Variants in GREB1 observed in about 807,000 individuals in gnomAD.
GREB1 encodes the protein growth regulating estrogen receptor binding 1, also known as protein GREB1.
GREB1 carries 106 observed loss-of-function variants against 200.7 expected under a neutral mutation model. The ratio of observed to expected loss-of-function variants is 0.53; its 90% CI spans 0.45 to 0.62. GREB1 has a LOEUF of 0.62. Among genes scored for constraint, GREB1 ranks in the 20% least tolerant of loss-of-function variants. GREB1 has a pLI of 0.00. For synonymous variants in GREB1, 1,132 were observed against 1,092.4 expected (o/e 1.04, Z -0.72); for missense variants, 2,243 against 2,556.8 (o/e 0.88, Z 2.65).
chr2:11,529,135 A>G (rs977713132), upstream of GREB1, among the ~76,000 whole-genome samples: 18 of 152,228 alleles, frequency 1.2e-4, no homozygotes, highest in African/African-American at 4.3e-4. Context: ...AAACCTGTAA[A>G]GATGGAAGAG....
chr2:11,610,671 CTCTG>C lies in GREB1; in HGVS notation c.2667-15_2667-12del. ...GGCGCGGCCGTCACAGACATGGTCT[CTCTG>C]TGTTCCTTGCAGGTTCCCCCGCCTG... On this transcript the variant is annotated splice_polypyrimidine_tract_variant and intron_variant, in intron 17 of 32. Transcript: ENST00000381486. 6.3e-7 allele frequency: 1 copy of C among 1,582,952 alleles called. No individual in the cohort carries two copies. The highest frequency in any genetic ancestry group is 8.6e-7 in the Non-Finnish European group (1 of 1,157,030).
intron 1 of GREB1, among the ~76,000 whole-genome samples, chr2:11,525,161 C>T (rs1673829438): frequency 6.6e-6 from 1 of 152,138 alleles, no homozygotes; most frequent in Non-Finnish European, 1.5e-5. Flanking sequence ...CTTCTCTGAA[C>T]TCATACTGAT....
In GREB1 at chr2:11,618,200, G is replaced by GGGACAGGTCACTCCTGAGATGGGCC. The variant is rs1683633604; in HGVS notation, c.3413-88_3413-87insGGACAGGTCACTCCTGAGATGGGCC. 1.4e-4 allele frequency: 120 copies of GGGACAGGTCACTCCTGAGATGGGCC among 877,842 alleles called. No homozygotes were observed. The East Asian group carries it at 5.3e-3, about 39-fold the overall frequency. 54.4% of individuals were successfully genotyped at this position (877,842 alleles called of 1,614,324 possible). The stretch of plus-strand genomic sequence containing the variant: ...GGGACAGGTCACTCCTGGGATGGGT[G>GGGACAGGTCACTCCTGAGATGGGCC]ACTCCTGGGACAGGTCACTCCTGGG... On this transcript the variant is annotated intron_variant, in intron 21 of 32. Transcript: ENST00000381486.
At chr2:11,511,817 A>C (rs1387360472) in intron 1 of GREB1, among the ~76,000 whole-genome samples, 1 of 152,166 alleles carries the variant, frequency 6.6e-6, no homozygotes, top group South Asian at 2.1e-4. Flanking sequence ...TGGGGAGAAC[A>C]GGGGTCCTGC....
chr2:11,602,678 C>A (rs1286415490), intron 17 of GREB1, 136 bp downstream of exon 17: 63 of 713,968 alleles, frequency 8.8e-5, no homozygotes, highest in Non-Finnish European at 1.4e-4. Context: ...ACTAAATGTA[C>A]CCTGGTTTTT....
intron 1 of GREB1, among the ~76,000 whole-genome samples, chr2:11,510,825 A>G (rs114475396): frequency 0.038 from 5,779 of 151,758 alleles, 342 homozygotes; most frequent in African/African-American, 0.12. Flanking sequence ...GGTGCCTGTC[A>G]TCACACCCGG....
At position 11,565,559 on chromosome 2, in the gene GREB1, TG is replaced by T. The variant is rs1434769181; in HGVS notation, c.278-919del. On this transcript the variant is annotated intron_variant, in intron 3 of 32. Coordinates refer to ENST00000381486, the MANE Select transcript of GREB1 (RefSeq NM_014668.4). ...TGTGCCCTTACCTGGGACAAGACCCTGGAAAAGCCTTATCCAAATTAGTCTC... is the reference window on the plus strand; with the variant it reads ...TGTGCCCTTACCTGGGACAAGACCCTGAAAAGCCTTATCCAAATTAGTCTC... Among the ~76,000 whole-genome samples, 44 of 152,350 alleles carry T rather than the reference TG, an allele frequency of 2.9e-4. 1 individual carries two copies. The East Asian group carries it at 8.1e-3, about 28-fold the overall frequency.
chr2:11,496,215 G>A (rs1004232740), intron 1 of GREB1, among the ~76,000 whole-genome samples: 6 of 152,088 alleles, frequency 3.9e-5, no homozygotes, highest in Admixed American at 3.3e-4. Flanking sequence ...GCCACTGTGC[G>A]CTGATCCCAG....
chr2:11,589,614 T>G (rs1680526535), intron 10 of GREB1, among the ~76,000 whole-genome samples: 1 of 152,258 alleles, frequency 6.6e-6, no homozygotes, highest in Non-Finnish European at 1.5e-5. Context: ...GGAGGTGATC[T>G]GATTTTCACT....
intron 1 of GREB1, among the ~76,000 whole-genome samples, chr2:11,525,114 T>C (rs1483113343): frequency 6.6e-6 from 1 of 152,164 alleles, no homozygotes; most frequent in East Asian, 1.9e-4. Context: ...TTGGCTGTGT[T>C]ACATGCAGCC....
intron 1 of GREB1, among the ~76,000 whole-genome samples, chr2:11,509,166 G>A (rs963089748): frequency 2.0e-5 from 3 of 151,940 alleles, no homozygotes; most frequent in Non-Finnish European, 2.9e-5. Context: ...GAGCCACCGC[G>A]CCCGGCCCCA....
chr2:11,594,790 T>G (rs1681056651), intron 11 of GREB1, among the ~76,000 whole-genome samples: 1 of 152,156 alleles, frequency 6.6e-6, no homozygotes, highest in African/African-American at 2.4e-5. Flanking sequence ...CCTCCTGGGT[T>G]CACACCATTC....
At chr2:11,577,228 T>C (rs1353808889) in intron 5 of GREB1, among the ~76,000 whole-genome samples, 1 of 152,160 alleles carries the variant, frequency 6.6e-6, no homozygotes, top group African/African-American at 2.4e-5. Flanking sequence ...ACAAGTTTGA[T>C]TGTCATGACT....
At chr2:11,528,353 A>T (rs1673955390) in intron 1 of GREB1, among the ~76,000 whole-genome samples, 1 of 152,260 alleles carries the variant, frequency 6.6e-6, no homozygotes, top group South Asian at 2.1e-4. Context: ...ACCCTCGTTG[A>T]AAGTAGCAGA....
Position 11,635,347 on chromosome 2 carries a change from G to C in GREB1, c.5288G>C (p.Ser1763Thr), listed in dbSNP as rs1246202755. The C allele has an allele frequency of 6.2e-7, 1 of 1,614,122 alleles. No individual in the cohort carries two copies. ...GLLLCRFNRF[S>T]VMKKQIVVGG... is the part of the protein sequence containing the mutation. ...CTGCTCTGCCGGTTCAACCGCTTCA[G>C]CGTGATGAAGAAGCAGATCGTGGTG... The change falls in exon 30 of 33, where the codon AGC becomes ACC. Residue 1763 changes from serine (S) to threonine (T), a missense_variant. Physicochemically the swap from Ser to Thr is moderately conservative, Grantham distance 58. Transcript: ENST00000381486.
intron 22 of GREB1, among the ~76,000 whole-genome samples, chr2:11,619,123 C>T (rs1259044813): frequency 6.6e-6 from 1 of 152,196 alleles, no homozygotes; most frequent in African/African-American, 2.4e-5. Flanking sequence ...TTCCATTCCT[C>T]CCCTGTGTGA....
intron 1 of GREB1, among the ~76,000 whole-genome samples, chr2:11,544,613 G>C (rs984989924): frequency 2.6e-5 from 4 of 152,150 alleles, no homozygotes; most frequent in Admixed American, 6.5e-5. Flanking sequence ...TCTAAGGAGA[G>C]GCCAGGGCAA....
intron 1 of GREB1, among the ~76,000 whole-genome samples, chr2:11,511,148 G>A (rs748821060): frequency 6.6e-6 from 1 of 152,190 alleles, no homozygotes; most frequent in Non-Finnish European, 1.5e-5. Flanking sequence ...CCTCCCAGCA[G>A]TCTTCACAAG....
chr2:11,627,128 A>G (rs1278341407), intron 25 of GREB1, 24 bp downstream of exon 25: 9 of 1,553,084 alleles, frequency 5.8e-6, no homozygotes, highest in South Asian at 1.2e-5. Flanking sequence ...GTTCCCCACC[A>G]GGCATTTCAC....
Sources: gnomAD v4.1 joint callset for allele counts (sites outside exome capture counted in the v4.1 genomes callset) on GRCh38, gnomAD v4.1.1 for gene constraint, MANE v1.5 for transcripts, NCBI Gene and HGNC (gene_info 2026-07-23, HGNC 2026-07-21) for gene names.